Variants in ALLC observed in about 807,000 individuals in gnomAD.
The protein encoded by ALLC is probable inactive allantoicase.
Under a neutral mutation model 45.0 loss-of-function variants are expected in ALLC, and 40 were observed. The observed-to-expected ratio is 0.89, with a 90% confidence interval of 0.69 to 1.16. The LOEUF is 1.16. ALLC is among the 50% of genes most tolerant of loss of function. The pLI is 0.00. For missense variants in ALLC, 488 were observed against 493.1 expected (o/e 0.99, Z 0.10); for synonymous variants, 176 against 178.1 (o/e 0.99, Z 0.09).
intron 7 of ALLC, chr2:3,688,088 G>T: frequency 6.5e-6 from 1 of 154,124 alleles, no homozygotes; most frequent in South Asian, 1.8e-4. Context: ...GTCATTGAGG[G>T]AAATGCCAGC....
At chr2:3,673,812 T>C (rs1245210414) in intron 2 of ALLC, among the ~76,000 whole-genome samples, 1 of 152,220 alleles carries the variant, frequency 6.6e-6, no homozygotes, top group Non-Finnish European at 1.5e-5. Flanking sequence ...TATTTGCTTC[T>C]TGAGTGTAAG....
intron 1 of ALLC, among the ~76,000 whole-genome samples, chr2:3,661,959 G>A (rs145418084): frequency 1.3e-5 from 2 of 152,308 alleles, no homozygotes; most frequent in Non-Finnish European, 2.9e-5. Flanking sequence ...TGTTGGGGTT[G>A]TGGGCAGAAT....
upstream of ALLC, chr2:3,658,056 G>A (rs891236987): frequency 2.6e-5 from 4 of 152,516 alleles, no homozygotes; most frequent in African/African-American, 7.2e-5. Flanking sequence ...TTCGGGCCTT[G>A]TGCGAGGGTC....
At chr2:3,675,613 T>C (rs115832918) in intron 3 of ALLC, among the ~76,000 whole-genome samples, 4,329 of 150,580 alleles carry the variant, frequency 0.029, 211 homozygotes, top group African/African-American at 0.1. Flanking sequence ...CACACACACA[T>C]ATAAACACTT....
chr2:3,654,256 G>A (rs904635337), upstream of ALLC, among the ~76,000 whole-genome samples: 2 of 152,244 alleles, frequency 1.3e-5, no homozygotes, highest in African/African-American at 4.8e-5. Flanking sequence ...GGGAGAACCT[G>A]CAAAGTCACA....
intron 5 of ALLC, among the ~76,000 whole-genome samples, chr2:3,681,270 G>A (rs1667171296): frequency 6.6e-6 from 1 of 152,140 alleles, no homozygotes; most frequent in Admixed American, 6.5e-5. Flanking sequence ...AATTGCCCCA[G>A]TATCAATTCT....
rs76752389 is a variant in ALLC at position 3,678,056 on chromosome 2, G to A, written c.85-412G>A. On this transcript the variant is annotated intron_variant, in intron 3 of 11. Coordinates refer to ENST00000252505, the MANE Select transcript of ALLC (RefSeq NM_018436.4). Reference sequence around the variant, plus strand: ...GTGTGGTTTCACCTGGACCCTGAGCGTCCAGCCTACTCTTCCTATGACTTT... The same window carrying A: ...GTGTGGTTTCACCTGGACCCTGAGCATCCAGCCTACTCTTCCTATGACTTT... 4.0e-3 allele frequency among the ~76,000 whole-genome samples: 614 copies of A among 152,268 alleles called. 3 individuals are homozygous for A. Among genetic ancestry groups the A allele is most frequent in the Middle Eastern group, 6.8e-3 (2 of 294 alleles).
Position 3,678,474 on chromosome 2 carries a change from A to G in ALLC, c.91A>G (p.Ser31Gly). 6.2e-7 allele frequency: 1 copy of G among 1,613,798 alleles called. No individual in the cohort carries two copies. The highest frequency in any genetic ancestry group is 2.2e-5 in the East Asian group (1 of 44,884). Residue 31 changes from serine to glycine, a missense_variant, in exon 4 of 12, where the codon AGC (serine) becomes GGC (glycine). Coordinates refer to ENST00000252505, the MANE Select transcript of ALLC (RefSeq NM_018436.4). ...APAENLIKSD[S>G]PCFKEHEYTE... ...GTTGTGGTCTTTGCCCTAGAGTGAC[A>G]GCCCGTGCTTCAAAGAGCATGAATA...
chr2:3,701,711 G>A, intron 11 of ALLC, 75 bp downstream of exon 11: 2 of 1,472,016 alleles, frequency 1.4e-6, no homozygotes, highest in East Asian at 4.8e-5. Flanking sequence ...GAAGGATTAG[G>A]ATACGCTCCA....
At chr2:3,649,402 C>T in the ALLC span, among the ~76,000 whole-genome samples, 2 of 152,096 alleles carry the variant, frequency 1.3e-5, no homozygotes, top group Non-Finnish European at 1.5e-5. Flanking sequence ...CCACCACGTC[C>T]GGCTAATTTT....
At chr2:3,693,438 C>G (rs575771909) in intron 7 of ALLC, among the ~76,000 whole-genome samples, 1 of 152,240 alleles carries the variant, frequency 6.6e-6, no homozygotes, top group Non-Finnish European at 1.5e-5. Flanking sequence ...GCAAAGCTTA[C>G]AAGAGAGTCA....
Position 3,702,501 on chromosome 2 carries a change from C to T in ALLC, c.1114C>T (p.Leu372Phe). The T allele has an allele frequency of 6.2e-7, 1 of 1,611,598 alleles. No homozygotes were observed. The highest frequency in any genetic ancestry group is 8.5e-7 in the Non-Finnish European group (1 of 1,179,308). ...RLRGFPSSIC[L>F]LRPREKPMLK... is the part of the protein sequence containing the mutation. ...CCGGGGCTTCCCCAGCTCCATCTGCCTCCTGAGGCCCCGGGAGAAGCCCAT... is the reference window on the plus strand; with the variant it reads ...CCGGGGCTTCCCCAGCTCCATCTGCTTCCTGAGGCCCCGGGAGAAGCCCAT... Residue 372 changes from leucine (L) to phenylalanine (F), a missense_variant, in exon 12 of 12, where the codon CTC becomes TTC. Physicochemically the swap from Leu to Phe is conservative, Grantham distance 22. Transcript: ENST00000252505.
chr2:3,700,593 T>C (rs998720031), intron 10 of ALLC, among the ~76,000 whole-genome samples: 6 of 152,176 alleles, frequency 3.9e-5, no homozygotes, highest in Non-Finnish European at 8.8e-5. Flanking sequence ...ATGATGACTG[T>C]AATGGAAATG....
At chr2:3,684,999 T>G (rs1406483562) in intron 7 of ALLC, among the ~76,000 whole-genome samples, 2 of 152,198 alleles carry the variant, frequency 1.3e-5, no homozygotes. Context: ...GGCTGTGACA[T>G]TGTAAACAGT....
intron 3 of ALLC, among the ~76,000 whole-genome samples, chr2:3,676,020 A>C (rs114837828): frequency 6.6e-6 from 1 of 152,294 alleles, no homozygotes; most frequent in African/African-American, 2.4e-5. Context: ...GCCTCCTCCC[A>C]CATGGGCACT....
chr2:3,701,445 T>C (rs1667829170), intron 10 of ALLC, 67 bp from the exon 11 acceptor site: 1 of 1,460,870 alleles, frequency 6.8e-7, no homozygotes, highest in African/African-American at 1.4e-5. Context: ...TAAAAAAGCA[T>C]GATATCCTAT....
At chr2:3,671,279 C>T in intron 2 of ALLC, 89 bp downstream of exon 2, 1 of 1,453,898 alleles carries the variant, frequency 6.9e-7, no homozygotes, top group Non-Finnish European at 9.5e-7. Flanking sequence ...ATGCAAGAAT[C>T]AACAAGAATC....
At position 3,671,109 on chromosome 2, in the gene ALLC, T is replaced by C. The variant is rs960792066; in HGVS notation, c.-49T>C. The C allele has an allele frequency of 6.3e-7, 1 of 1,597,672 alleles. No homozygotes were observed. Among genetic ancestry groups the C allele is most frequent in the Non-Finnish European group, 8.5e-7 (1 of 1,171,986 alleles). The stretch of plus-strand genomic sequence containing the variant: ...TCTCCCTTCCAGGAAGCACGGCTGA[T>C]GCTCCGAAGGAGGGAAGACTGACCC... On this transcript the variant is annotated 5_prime_UTR_variant, in exon 2 of 12. An upstream start codon of the reference 5' UTR is lost. Transcript: ENST00000252505.
At chr2:3,648,099 G>A in the ALLC span, among the ~76,000 whole-genome samples, 1 of 152,152 alleles carries the variant, frequency 6.6e-6, no homozygotes, top group Admixed American at 6.5e-5. Flanking sequence ...GGCAGCCCTG[G>A]CAGCCTCTCC....
Sources: allele counts gnomAD v4.1 joint callset (sites outside exome capture counted in the v4.1 genomes callset), GRCh38; gene constraint gnomAD v4.1.1; transcripts MANE v1.5; gene names NCBI Gene and HGNC (gene_info 2026-07-23, HGNC 2026-07-21).